The following NDRG3 variants were observed in gnomAD, a reference collection of about 807,000 sequenced individuals.
NDRG3 encodes the protein protein NDRG3.
NDRG3 carries 23 observed loss-of-function variants against 57.2 expected under a neutral mutation model. That is an observed-to-expected ratio of 0.40 (90% CI 0.29 to 0.57). The LOEUF (loss-of-function observed/expected upper bound fraction) is 0.57, where lower values mean the gene tolerates loss of function less well. Among genes scored for constraint, NDRG3 ranks in the 20% least tolerant of loss-of-function variants. The pLI is 0.42. For missense variants in NDRG3, 384 were observed against 457.3 expected, an observed-to-expected ratio of 0.84 and a Z score of 1.46; for synonymous variants, 132 against 162.6, an observed-to-expected ratio of 0.81 and a Z score of 1.43.
rs369354165 is a variant in NDRG3 at position 36,728,658 on chromosome 20, AT to A, written c.-48-6876del. Reference sequence around the variant, plus strand: ...TTAAACGCTAGTAAGTATAATGCATATTGCAAAATCAGAAAAAATCCAAAAT... The same window carrying A: ...TTAAACGCTAGTAAGTATAATGCATATGCAAAATCAGAAAAAATCCAAAAT... On this transcript the variant is annotated intron_variant, in intron 1 of 15. Transcript: ENST00000349004. Among the ~76,000 whole-genome samples, 1,158 of 152,336 alleles carry A rather than the reference AT, an allele frequency of 7.6e-3. 6 individuals are homozygous for A. Among genetic ancestry groups the A allele is most frequent in the Non-Finnish European group, 0.012 (812 of 68,030 alleles).
At chr20:36,711,085 C>T (rs2148177338) in intron 2 of NDRG3, among the ~76,000 whole-genome samples, 1 of 150,546 alleles carries the variant, frequency 6.6e-6, no homozygotes, top group African/African-American at 2.4e-5. Flanking sequence ...TCAAGACCAT[C>T]CTGTGTAACA....
At chr20:36,739,134 CA>C (rs57208101) in intron 1 of NDRG3, among the ~76,000 whole-genome samples, 2 of 87,314 alleles carry the variant, frequency 2.3e-5, no homozygotes, top group African/African-American at 5.6e-5. Flanking sequence ...GACCCCATCT[CA>C]AAAAAAAAAA....
At chr20:36,726,397 T>G (rs1984935903) in intron 1 of NDRG3, among the ~76,000 whole-genome samples, 2 of 152,234 alleles carry the variant, frequency 1.3e-5, no homozygotes, top group Admixed American at 1.3e-4. Context: ...TTTGGCAACT[T>G]GGCAGTAGAC....
At position 36,688,655 on chromosome 20, in the gene NDRG3, G is replaced by A. The variant is rs75182373; in HGVS notation, c.199+24C>T. 5.6e-3 allele frequency: 8,249 copies of A among 1,473,654 alleles called. 425 individuals carry two copies. The African/African-American group carries it at 0.1, about 18-fold the overall frequency. The allele number at this position is 1,473,654 out of a possible 1,614,324, so 91.3% of individuals were successfully genotyped here. A position where few individuals can be genotyped will look rare whatever the true frequency, so the allele number is the denominator to read the frequency against. ...ACAAAGATCAAGTATGATAAGAAGG[G>A]AAGGTGTAAAATAAAATACATACGG... is the stretch of plus-strand genomic sequence containing the variant. On this transcript the variant is annotated intron_variant, in intron 4 of 15. Coordinates refer to ENST00000349004, the MANE Select transcript of NDRG3 (RefSeq NM_032013.4).
chr20:36,701,478 G>A (rs565322621), intron 3 of NDRG3, among the ~76,000 whole-genome samples: 7 of 151,914 alleles, frequency 4.6e-5, no homozygotes, highest in Middle Eastern at 3.4e-3. Context: ...CCAGGAGTTC[G>A]AGGTTACTGT....
chr20:36,718,657 G>GGA (rs1451571036), intron 2 of NDRG3, among the ~76,000 whole-genome samples: 1 of 152,058 alleles, frequency 6.6e-6, no homozygotes, highest in South Asian at 2.1e-4. Context: ...GCAGGGGAAG[G>GGA]GAGAGAGAAA....
At chr20:36,659,112 C>A (rs138995901) in intron 13 of NDRG3, among the ~76,000 whole-genome samples, 1 of 152,128 alleles carries the variant, frequency 6.6e-6, no homozygotes, top group African/African-American at 2.4e-5. Context: ...CCAAGCCCAG[C>A]TAATTTTCTT....
chr20:36,698,293 C>A (rs1982972297), intron 3 of NDRG3, among the ~76,000 whole-genome samples: 1 of 150,858 alleles, frequency 6.6e-6, no homozygotes. Context: ...TGCTACAAAT[C>A]TCCGGAAGCT....
chr20:36,664,887 C>T (rs1379888360), intron 12 of NDRG3, among the ~76,000 whole-genome samples, 159 bp downstream of exon 12: 1 of 152,148 alleles, frequency 6.6e-6, no homozygotes, highest in Non-Finnish European at 1.5e-5. Flanking sequence ...TAGGGTCCCA[C>T]TGTGTTGCCC....
chr20:36,666,478 G>T, intron 9 of NDRG3, 86 bp from the exon 10 acceptor site: 1 of 940,010 alleles, frequency 1.1e-6, no homozygotes, highest in Non-Finnish European at 1.7e-6. Context: ...ATTACCACAA[G>T]CCAAATCGTG....
chr20:36,669,510 A>G (rs181483366), intron 9 of NDRG3, among the ~76,000 whole-genome samples: 4 of 150,828 alleles, frequency 2.7e-5, no homozygotes, highest in Admixed American at 2.6e-4. Flanking sequence ...GATTACAGGC[A>G]TGAGCCACCG....
intron 1 of NDRG3, among the ~76,000 whole-genome samples, chr20:36,739,549 T>C (rs1346639949): frequency 6.6e-6 from 1 of 151,610 alleles, no homozygotes; most frequent in African/African-American, 2.4e-5. Context: ...GGCTCACACC[T>C]GTAATCCCAG....
At chr20:36,688,387 CAG>C (rs1391664315) in intron 4 of NDRG3, among the ~76,000 whole-genome samples, 1 of 150,254 alleles carries the variant, frequency 6.7e-6, no homozygotes, top group Non-Finnish European at 1.5e-5. Context: ...AAAAAAAAAA[CAG>C]AGTACAGGCT....
chr20:36,716,550 G>C (rs1434768986), intron 2 of NDRG3, among the ~76,000 whole-genome samples: 3 of 139,022 alleles, frequency 2.2e-5, no homozygotes, highest in Non-Finnish European at 4.9e-5. Context: ...AAAAAAAAAA[G>C]ATTTACCTCA....
intron 3 of NDRG3, chr20:36,700,648 C>T: frequency 2.8e-6 from 1 of 355,440 alleles, no homozygotes. Flanking sequence ...ATCTCCCACC[C>T]CAGCATTCTA....
chr20:36,674,290 C>T (rs1980452066), intron 8 of NDRG3, among the ~76,000 whole-genome samples: 1 of 151,678 alleles, frequency 6.6e-6, no homozygotes, highest in South Asian at 2.1e-4. Context: ...AACTTTGCCT[C>T]CCGGGTTCAA....
At chr20:36,682,961 G>A (rs950124809) in intron 6 of NDRG3, among the ~76,000 whole-genome samples, 2 of 147,240 alleles carry the variant, frequency 1.4e-5, no homozygotes, top group African/African-American at 5.0e-5. Flanking sequence ...AAAAAACAAA[G>A]GCTGGGCACG....
chr20:36,743,808 ACTCC>A (rs1986041424), intron 1 of NDRG3, among the ~76,000 whole-genome samples: 1 of 150,844 alleles, frequency 6.6e-6, no homozygotes, highest in African/African-American at 2.4e-5. Flanking sequence ...ACAGAGCGAG[ACTCC>A]GTCTCAAAAA....
At chr20:36,656,040 A>G (rs1297255527) in intron 15 of NDRG3, among the ~76,000 whole-genome samples, 1 of 150,688 alleles carries the variant, frequency 6.6e-6, no homozygotes, top group African/African-American at 2.4e-5. Flanking sequence ...AGGCTGAGGC[A>G]GGAGAATCGC....
Sources: gnomAD v4.1 joint callset for allele counts (sites outside exome capture counted in the v4.1 genomes callset) on GRCh38, gnomAD v4.1.1 for gene constraint, MANE v1.5 for transcripts, NCBI Gene and HGNC (gene_info 2026-07-23, HGNC 2026-07-21) for gene names.